The following RBPJ variants were observed in gnomAD, a reference collection of about 807,000 sequenced individuals.
The protein encoded by RBPJ is recombining binding protein suppressor of hairless.
In RBPJ, 9 loss-of-function variants were observed where a neutral mutation model predicts 67.8. The observed-to-expected ratio is 0.13, with a 90% CI of 0.08 to 0.23. The LOEUF (loss-of-function observed/expected upper bound fraction) is 0.23. RBPJ is among the 10% of genes least tolerant of loss of function. The probability of loss-of-function intolerance (pLI) is 1.00; values close to 1 mark genes in which losing one functional copy is unlikely to be tolerated. For missense variants in RBPJ, 305 were observed against 595.6 expected, an observed-to-expected ratio of 0.51 and a Z score of 5.08; for synonymous variants, 198 against 203.3, an observed-to-expected ratio of 0.97 and a Z score of 0.22.
chr4:26,273,443 C>T (rs546104301), intron 1 of RBPJ, among the ~76,000 whole-genome samples: 16 of 152,328 alleles, frequency 1.1e-4, no homozygotes, highest in Admixed American at 9.8e-4. Context: ...GAGATGCCTC[C>T]GAGGGAGCGT....
rs969822390 is a variant in RBPJ at position 26,405,761 on chromosome 4, G to A, written c.60-414G>A. ...GTATTCAATGAAAAACATTGCTTCCGATAGCTGGGGTAGGGAAACTGAGGA... is the reference window on the plus strand; with the variant it reads ...GTATTCAATGAAAAACATTGCTTCCAATAGCTGGGGTAGGGAAACTGAGGA... On this transcript the variant is annotated intron_variant, in intron 2 of 10. Coordinates refer to ENST00000355476, the MANE Select transcript of RBPJ (RefSeq NM_015874.6). Among the ~76,000 whole-genome samples, 6 of 152,070 alleles carry A rather than the reference G, an allele frequency of 3.9e-5. No individual in the cohort carries two copies. In the East Asian group the frequency reaches 7.7e-4, roughly 19 times the overall value.
chr4:26,269,266 A>ATTTATTTT (rs1720803013), intron 1 of RBPJ, among the ~76,000 whole-genome samples: 1 of 147,012 alleles, frequency 6.8e-6, no homozygotes, highest in African/African-American at 2.6e-5. Flanking sequence ...TTATTTATTT[A>ATTTATTTT]TTTTTTTGAC....
At chr4:26,167,048 G>A (rs1344344524) in intron 1 of RBPJ, among the ~76,000 whole-genome samples, 1 of 152,080 alleles carries the variant, frequency 6.6e-6, no homozygotes, top group African/African-American at 2.4e-5. Context: ...TTATTTCTGA[G>A]GGCTCTGTTC....
chr4:26,131,317 A>T, the RBPJ span, among the ~76,000 whole-genome samples: 1 of 152,190 alleles, frequency 6.6e-6, no homozygotes, highest in South Asian at 2.1e-4. Flanking sequence ...GCATCATGAG[A>T]TCAATTTAGT....
the RBPJ span, among the ~76,000 whole-genome samples, chr4:26,133,544 C>T: frequency 2.3e-4 from 35 of 152,306 alleles, no homozygotes; most frequent in Middle Eastern, 6.8e-3. Context: ...GGCCACACAG[C>T]GGGTGAGCAG....
chr4:26,179,745 G>A (rs1328987759), intron 1 of RBPJ, among the ~76,000 whole-genome samples: 2 of 152,150 alleles, frequency 1.3e-5, no homozygotes. Context: ...AACCACTTTG[G>A]AAAGCAGTTT....
At chr4:26,377,589 TGGAA>T (rs1324003990) in intron 1 of RBPJ, among the ~76,000 whole-genome samples, 1 of 152,232 alleles carries the variant, frequency 6.6e-6, no homozygotes, top group Non-Finnish European at 1.5e-5. Context: ...AATAAACACT[TGGAA>T]CCTCTTTAAA....
chr4:26,308,182 G>T (rs1482839216), intron 1 of RBPJ, among the ~76,000 whole-genome samples: 2 of 152,254 alleles, frequency 1.3e-5, no homozygotes, highest in South Asian at 4.1e-4. Context: ...AGGCTGAGGC[G>T]GGAGAATGGC....
chr4:26,263,936 G>A (rs1235124746), intron 1 of RBPJ, among the ~76,000 whole-genome samples: 1 of 149,562 alleles, frequency 6.7e-6, no homozygotes, highest in Non-Finnish European at 1.5e-5. Flanking sequence ...GTGCAGCCGT[G>A]CGATCTCGGC....
At chr4:26,199,434 T>A (rs1279846060) in intron 1 of RBPJ, among the ~76,000 whole-genome samples, 1 of 152,110 alleles carries the variant, frequency 6.6e-6, no homozygotes, top group African/African-American at 2.4e-5. Context: ...AACTGCGAGA[T>A]AACAAGTATT....
At chr4:26,279,998 G>C (rs1721212351) in intron 1 of RBPJ, among the ~76,000 whole-genome samples, 1 of 151,282 alleles carries the variant, frequency 6.6e-6, no homozygotes, top group South Asian at 2.1e-4. Context: ...CATTGCCCAG[G>C]CTGATCTGCA....
chr4:26,383,425 T>G (rs1364511103), intron 1 of RBPJ, among the ~76,000 whole-genome samples: 4 of 152,186 alleles, frequency 2.6e-5, no homozygotes, highest in African/African-American at 9.7e-5. Flanking sequence ...ATATTTAGTA[T>G]TTGTAGCTGG....
chr4:26,422,407 G>A (rs1324788251), intron 5 of RBPJ, among the ~76,000 whole-genome samples: 1 of 152,070 alleles, frequency 6.6e-6, no homozygotes, highest in East Asian at 1.9e-4. Context: ...TTCGTTAGCT[G>A]GAGTTTTTTC....
chr4:26,261,841 C>T (rs528715798), intron 1 of RBPJ, among the ~76,000 whole-genome samples: 2 of 152,258 alleles, frequency 1.3e-5, no homozygotes, highest in South Asian at 2.1e-4. Context: ...AATTGATTTG[C>T]CATCATAAAA....
At chr4:26,381,421 A>G (rs4536914) in intron 1 of RBPJ, among the ~76,000 whole-genome samples, 75,700 of 151,824 alleles carry the variant, frequency 0.5, 20,114 homozygotes, top group Admixed American at 0.62. Flanking sequence ...GTTTAACGAT[A>G]GATTGCAGCT....
rs151187925 is a variant in RBPJ, at chr4:26,434,362, G to C, written c.*3355G>C. ...TTTGAGAACTAACCTAACTAGTCAT[G>C]CTAACCAGAAAATCCACTGGGGAGG... On this transcript the variant is annotated 3_prime_UTR_variant, in exon 11 of 11. Transcript: ENST00000355476. The C allele has an allele frequency of 1.3e-5, 2 of 152,262 alleles. No individual in the cohort carries two copies. The highest frequency in any genetic ancestry group is 2.9e-5 in the Non-Finnish European group (2 of 68,004). The allele number at this position is 152,262 out of a possible 1,614,324, so 9.4% of individuals were successfully genotyped here.
intron 1 of RBPJ, among the ~76,000 whole-genome samples, chr4:26,381,307 G>GTA (rs1236625436): frequency 6.6e-6 from 1 of 151,946 alleles, no homozygotes; most frequent in East Asian, 1.9e-4. Context: ...CAAAACAGAA[G>GTA]TATATATATT....
chr4:26,293,939 G>T (rs1350453099), intron 1 of RBPJ, among the ~76,000 whole-genome samples: 1 of 151,710 alleles, frequency 6.6e-6, no homozygotes, highest in Non-Finnish European at 1.5e-5. Flanking sequence ...TGTGTTTTTG[G>T]TAGAGACAGG....
intron 1 of RBPJ, among the ~76,000 whole-genome samples, chr4:26,305,794 T>TTC (rs1722218683): frequency 1.4e-5 from 2 of 145,170 alleles, no homozygotes; most frequent in Non-Finnish European, 3.0e-5. Context: ...TTTTTTTTTT[T>TTC]CTGAGACTGA....
Sources: gnomAD v4.1 joint callset for allele counts (sites outside exome capture counted in the v4.1 genomes callset) on GRCh38, gnomAD v4.1.1 for gene constraint, MANE v1.5 for transcripts, NCBI Gene and HGNC (gene_info 2026-07-23, HGNC 2026-07-21) for gene names.